DNAAF2: variants seen among roughly 807,000 people sequenced by gnomAD.
DNAAF2 encodes dynein axonemal assembly factor 2, also known as protein kintoun.
DNAAF2 carries 58 observed loss-of-function variants against 48.8 expected under a neutral mutation model. The observed-to-expected ratio is 1.19, with a 90% CI of 0.96 to 1.48. DNAAF2 has a LOEUF of 1.48. Ranked by LOEUF, DNAAF2 falls within the 40% of genes most tolerant of loss-of-function variation. DNAAF2 has a pLI of 0.00. For missense variants in DNAAF2, 1,241 were observed against 1,116.1 expected (o/e 1.11, Z -1.59); for synonymous variants, 567 against 481.2 (o/e 1.18, Z -2.33).
chr14:49,625,742 C>G lies in DNAAF2; in HGVS notation c.2314G>C (p.Glu772Gln). 2 of 1,612,914 alleles carry G rather than the reference C, an allele frequency of 1.2e-6. No individual in the cohort carries two copies. Among genetic ancestry groups the G allele is most frequent in the Non-Finnish European group, 1.7e-6 (2 of 1,179,564 alleles). ...TCTTTCTCTTCAGTTATTACTGACT[C>G]GTTTAAGTTATCTTTTTCCTCATTT... ...CSNEEKDNLN[E>Q]SVITEEKETD... The change falls in exon 3 of 3, where the codon GAG (glutamate) becomes CAG (glutamine). Residue 772 changes from glutamate to glutamine, a missense_variant. Coordinates refer to ENST00000298292, the MANE Select transcript of DNAAF2 (RefSeq NM_018139.3).
At chr14:49,628,953 G>C (rs1163661701) in intron 1 of DNAAF2, among the ~76,000 whole-genome samples, 1 of 151,882 alleles carries the variant, frequency 6.6e-6, no homozygotes, top group African/African-American at 2.4e-5. Context: ...CAAATAAGTG[G>C]TGTGTTTTTT....
rs1883311081 is a variant in DNAAF2, at chr14:49,635,107, G to A, written c.43C>T (p.Leu15=). 3.8e-6 allele frequency: 6 copies of A among 1,576,804 alleles called. No individual in the cohort carries two copies. Among genetic ancestry groups the A allele is most frequent in the Non-Finnish European group, 5.2e-6 (6 of 1,162,140 alleles). Residue 15 remains leucine (L), a synonymous_variant, in exon 1 of 3, where the codon CTG becomes TTG. Transcript: ENST00000298292. ...AGCCGCTGGACCTCCTCTCCGCTCAGGTCCAAGTCCTCCAGCGACGAGGAG... is the reference window on the plus strand; with the variant it reads ...AGCCGCTGGACCTCCTCTCCGCTCAAGTCCAAGTCCTCCAGCGACGAGGAG... ...AASSSLEDLD[L]SGEEVQRLTS...
At chr14:49,627,319 T>C (rs1190861719) in intron 2 of DNAAF2, among the ~76,000 whole-genome samples, 3 of 152,190 alleles carry the variant, frequency 2.0e-5, no homozygotes, top group Non-Finnish European at 1.5e-5. Context: ...ACTAAATCAT[T>C]TGCATCTTCA....
At chr14:49,627,635 C>T (rs1243310845) in intron 2 of DNAAF2, among the ~76,000 whole-genome samples, 1 of 152,074 alleles carries the variant, frequency 6.6e-6, no homozygotes, top group Non-Finnish European at 1.5e-5. Context: ...GCGGGTGGAT[C>T]ATGAGGTCAG....
Position 49,633,426 on chromosome 14 carries a change from G to A in DNAAF2, c.1724C>T (p.Ala575Val), listed in dbSNP as rs1363359355. ...TGTGGTACTCAATTTATTCTCTGGA[G>A]CAAATTGCAAAAAGAAGGAATAAAC... ...DLVYSFFLQF[A>V]PENKLSTTEP... The change falls in exon 1 of 3, where the codon GCT (alanine) becomes GTT (valine). Residue 575 changes from alanine (A) to valine (V), a missense_variant. Ala to Val is a moderately conservative substitution (Grantham distance 64). Transcript: ENST00000298292. 1 of 1,614,034 alleles carries A rather than the reference G, an allele frequency of 6.2e-7. No individual in the cohort carries two copies. The highest frequency in any genetic ancestry group is 1.3e-5 in the African/African-American group (1 of 75,058).
In DNAAF2 at chr14:49,634,491, G is replaced by A; in HGVS notation, c.659C>T (p.Pro220Leu). Residue 220 changes from proline (P) to leucine (L), a missense_variant, in exon 1 of 3, where the codon CCT (proline) becomes CTT (leucine). Coordinates refer to ENST00000298292, the MANE Select transcript of DNAAF2 (RefSeq NM_018139.3). ...PARPDGEPKG[P>L]LPDFPYPYQY... The stretch of plus-strand genomic sequence containing the variant: ...GTAAGGGTAGGGGAAGTCCGGGAGA[G>A]GACCCTTCGGCTCCCCGTCAGGCCT... 6.3e-7 allele frequency: 1 copy of A among 1,591,210 alleles called. No homozygotes were observed. The highest frequency in any genetic ancestry group is 8.5e-7 in the Non-Finnish European group (1 of 1,174,942).
In DNAAF2 at chr14:49,633,406, T is replaced by C. The variant is rs763134667; in HGVS notation, c.1744A>G (p.Thr582Ala). ...GAAATGCTAATCACAGGTTCTGTGG[T>C]ACTCAATTTATTCTCTGGAGCAAAT... ...LQFAPENKLSTTEPVISISSN... is the reference protein window; with the variant it reads ...LQFAPENKLSATEPVISISSN... Residue 582 changes from threonine to alanine, a missense_variant, in exon 1 of 3, where the codon ACC (threonine) becomes GCC (alanine). Coordinates refer to ENST00000298292, the MANE Select transcript of DNAAF2 (RefSeq NM_018139.3). The C allele has an allele frequency of 6.2e-7, 1 of 1,613,958 alleles. No individual in the cohort carries two copies. The highest frequency in any genetic ancestry group is 1.3e-5 in the African/African-American group (1 of 74,942).
At position 49,625,753 on chromosome 14, in the gene DNAAF2, T is replaced by A; in HGVS notation, c.2303A>T (p.Asp768Val). ...KSATCSNEEKDNLNESVITEE... is the reference protein window; with the variant it reads ...KSATCSNEEKVNLNESVITEE... ...AGTTATTACTGACTCGTTTAAGTTATCTTTTTCCTCATTTGAACAAGTAGC... is the reference window on the plus strand; with the variant it reads ...AGTTATTACTGACTCGTTTAAGTTAACTTTTTCCTCATTTGAACAAGTAGC... Residue 768 changes from aspartate (D) to valine (V), a missense_variant, in exon 3 of 3, where the codon GAT becomes GTT. Coordinates refer to ENST00000298292, the MANE Select transcript of DNAAF2 (RefSeq NM_018139.3). 6.2e-7 allele frequency: 1 copy of A among 1,611,936 alleles called. No individual in the cohort carries two copies. The highest frequency in any genetic ancestry group is 8.5e-7 in the Non-Finnish European group (1 of 1,179,250).
chr14:49,635,098 C>G lies in DNAAF2; in HGVS notation c.52G>C (p.Glu18Gln). The G allele has an allele frequency of 6.3e-7, 1 of 1,580,336 alleles. No individual in the cohort carries two copies. Among genetic ancestry groups the G allele is most frequent in the South Asian group, 1.2e-5 (1 of 86,516 alleles). ...SSLEDLDLSG[E>Q]EVQRLTSAFQ... ...GCGGAGGTGAGCCGCTGGACCTCCT[C>G]TCCGCTCAGGTCCAAGTCCTCCAGC... Residue 18 changes from glutamate (E) to glutamine (Q), a missense_variant, in exon 1 of 3, where the codon GAG (glutamate) becomes CAG (glutamine). By Grantham distance (29) the Glu-to-Gln change is conservative (BLOSUM62 2). Coordinates refer to ENST00000298292, the MANE Select transcript of DNAAF2 (RefSeq NM_018139.3).
At position 49,626,225 on chromosome 14, in the gene DNAAF2, T is replaced by C. The variant is rs1594602586; in HGVS notation, c.2008-177A>G. Among the ~76,000 whole-genome samples the C allele has an allele frequency of 2.6e-5, 4 of 152,256 alleles. No homozygotes were observed. In the East Asian group the frequency reaches 7.8e-4, roughly 30 times the overall value. On this transcript the variant is annotated intron_variant, in intron 2 of 2. Coordinates refer to ENST00000298292, the MANE Select transcript of DNAAF2 (RefSeq NM_018139.3). ...CCTCCAGGCTGGGCACAGTGGCTCA[T>C]GCCTGTAATCCCAGCACTTTGGGAT...
Position 49,635,140 on chromosome 14 carries a change from C to G in DNAAF2, c.10G>C (p.Ala4Pro). The change falls in exon 1 of 3, where the codon GCG (alanine) becomes CCG (proline). Residue 4 changes from alanine (A) to proline (P), a missense_variant. Ala to Pro is a conservative substitution (Grantham distance 27, BLOSUM62 -1). Coordinates refer to ENST00000298292, the MANE Select transcript of DNAAF2 (RefSeq NM_018139.3). MAKAAASSSLEDLD... is the reference protein window; with the variant it reads MAKPAASSSLEDLD... Reference sequence around the variant, plus strand: ...TCCTCCAGCGACGAGGAGGCCGCCGCTTTGGCCATACTGTCCTGTGGCTCC... The same window carrying G: ...TCCTCCAGCGACGAGGAGGCCGCCGGTTTGGCCATACTGTCCTGTGGCTCC... 1 of 1,559,138 alleles carries G rather than the reference C, an allele frequency of 6.4e-7. No homozygotes were observed. Among genetic ancestry groups the G allele is most frequent in the Non-Finnish European group, 8.7e-7 (1 of 1,152,020 alleles).
intron 1 of DNAAF2, among the ~76,000 whole-genome samples, chr14:49,631,333 A>C (rs1883157736): frequency 6.6e-6 from 1 of 152,200 alleles, no homozygotes; most frequent in Admixed American, 6.5e-5. Flanking sequence ...ATTAAAATAC[A>C]GAAGATTTGC....
rs944530412 is a variant in DNAAF2, at chr14:49,633,859, G to C, written c.1291C>G (p.Arg431Gly). 6 of 1,550,752 alleles carry C rather than the reference G, an allele frequency of 3.9e-6. No homozygotes were observed. In the African/African-American group the frequency reaches 4.1e-5, roughly 11 times the overall value. The change falls in exon 1 of 3, where the codon CGT becomes GGT. Residue 431 changes from arginine (R) to glycine (G), a missense_variant. By Grantham distance (125) the Arg-to-Gly change is moderately radical (BLOSUM62 -2). Transcript: ENST00000298292. ...APPPAAAGEE[R>G]VPKPGEQDLS... ...TCCTGCTCCCCCGGCTTGGGGACAC[G>C]CTCCTCTCCAGCTGCGGCCGGCGGA...
At chr14:49,630,700 C>CACACACACACACAA (rs1555327682) in intron 1 of DNAAF2, among the ~76,000 whole-genome samples, 5 of 103,014 alleles carry the variant, frequency 4.9e-5, no homozygotes, top group African/African-American at 1.7e-4. Context: ...CACACACACA[C>CACACACACACACAA]ATAAACTCTC....
At chr14:49,630,252 A>AATAAATAC (rs1883118309) in intron 1 of DNAAF2, among the ~76,000 whole-genome samples, 1 of 151,632 alleles carries the variant, frequency 6.6e-6, no homozygotes, top group South Asian at 2.1e-4. Context: ...TAAATAAATA[A>AATAAATAC]ATAAATAATG....
At position 49,630,740 on chromosome 14, in the gene DNAAF2, TAC is replaced by T. The variant is rs58647073; in HGVS notation, c.1863+2545_1863+2546del. Among the ~76,000 whole-genome samples, 144 of 136,846 alleles carry T rather than the reference TAC, an allele frequency of 1.1e-3. 2 individuals carry two copies. Among genetic ancestry groups the T allele is most frequent in the Non-Finnish European group, 1.3e-3 (87 of 64,692 alleles). The allele number at this position is 136,846 out of a possible 152,430, so 89.8% of individuals were successfully genotyped here. The stretch of plus-strand genomic sequence containing the variant: ...CACACACACACACACACAAACTCTC[TAC>T]ACACACACACACACTTTTTTTTTTT... On this transcript the variant is annotated intron_variant, in intron 1 of 2. Coordinates refer to ENST00000298292, the MANE Select transcript of DNAAF2 (RefSeq NM_018139.3).
At position 49,625,819 on chromosome 14, in the gene DNAAF2, G is replaced by A; in HGVS notation, c.2237C>T (p.Pro746Leu). The change falls in exon 3 of 3, where the codon CCT (proline) becomes CTT (leucine). Residue 746 changes from proline to leucine, a missense_variant. Pro to Leu is a moderately conservative substitution (Grantham distance 98). Transcript: ENST00000298292. The stretch of plus-strand genomic sequence containing the variant: ...AAATTCAGATTGCATTTTTGACTCA[G>A]GTTGCTGAGATTTTCCAAGTATCAT... ...SQMILGKSQQPESKMQSEFIK... is the reference protein window; with the variant it reads ...SQMILGKSQQLESKMQSEFIK... 1 of 1,608,666 alleles carries A rather than the reference G, an allele frequency of 6.2e-7. No individual in the cohort carries two copies. The highest frequency in any genetic ancestry group is 1.1e-5 in the South Asian group (1 of 89,350).
At chr14:49,631,816 C>G (rs1256017614) in intron 1 of DNAAF2, among the ~76,000 whole-genome samples, 2 of 152,106 alleles carry the variant, frequency 1.3e-5, no homozygotes, top group African/African-American at 4.8e-5. Context: ...ACATAACAGT[C>G]TCTTTATGAT....
At position 49,633,660 on chromosome 14, in the gene DNAAF2, T is replaced by A; in HGVS notation, c.1490A>T (p.Glu497Val). The A allele has an allele frequency of 5.0e-6, 8 of 1,612,116 alleles. No homozygotes were observed. The highest frequency in any genetic ancestry group is 1.1e-5 in the South Asian group (1 of 91,054). Residue 497 changes from glutamate (E) to valine (V), a missense_variant, in exon 1 of 3, where the codon GAG becomes GTG. By Grantham distance (121) the Glu-to-Val change is moderately radical. Coordinates refer to ENST00000298292, the MANE Select transcript of DNAAF2 (RefSeq NM_018139.3). The stretch of plus-strand genomic sequence containing the variant: ...GCGCTGGCCGCCCGTGCCCTCCGAC[T>A]CCTCGCGTGTTTCCACACTGCTATC... The part of the protein sequence containing the change: ...RGDSSVETRE[E>V]SEGTGGQRSA...
Sources: allele counts gnomAD v4.1 joint callset (sites outside exome capture counted in the v4.1 genomes callset), GRCh38; gene constraint gnomAD v4.1.1; transcripts MANE v1.5; gene names NCBI Gene and HGNC (gene_info 2026-07-23, HGNC 2026-07-21).